The following TIMM9 variants were observed in gnomAD, a reference collection of about 807,000 sequenced individuals.
TIMM9 encodes mitochondrial import inner membrane translocase subunit Tim9.
A neutral mutation model predicts 13.4 loss-of-function variants in TIMM9; 10 were observed. The ratio of observed to expected loss-of-function variants is 0.75; its 90% CI spans 0.46 to 1.26. The LOEUF (loss-of-function observed/expected upper bound fraction) is 1.26, where lower values mean the gene tolerates loss of function less well. Among genes scored for constraint, TIMM9 ranks in the 50% most tolerant of loss-of-function variants. TIMM9 has a pLI of 0.00. For missense variants in TIMM9, 87 were observed against 100.8 expected, an observed-to-expected ratio of 0.86 and a Z score of 0.58; for synonymous variants, 32 against 32.1, an observed-to-expected ratio of 1.00 and a Z score of 0.01.
chr14:58,410,684 T>C (rs1403871870), intron 5 of TIMM9, among the ~76,000 whole-genome samples, 159 bp downstream of exon 5: 1 of 152,246 alleles, frequency 6.6e-6, no homozygotes, highest in African/African-American at 2.4e-5. Flanking sequence ...TTAAACTCAA[T>C]GCCGTGGTTC....
rs140828440 is a variant in TIMM9 at position 58,422,012 on chromosome 14, TC to T, written c.-27+1995del. On this transcript the variant is annotated intron_variant, in intron 3 of 5. Coordinates refer to ENST00000395159, the MANE Select transcript of TIMM9 (RefSeq NM_012460.4). ...TCCTTCTTATAATGCCAAAATCTGTTCTTTTTTTTTTTTTTTTTAATTCCAT... is the reference window on the plus strand; with the variant it reads ...TCCTTCTTATAATGCCAAAATCTGTTTTTTTTTTTTTTTTTTTAATTCCAT... 1.6e-3 allele frequency among the ~76,000 whole-genome samples: 225 copies of T among 143,596 alleles called. 2 individuals carry two copies. The highest frequency in any genetic ancestry group is 5.1e-3 in the African/African-American group (210 of 40,942). 94.2% of individuals were successfully genotyped at this position (143,596 alleles called of 152,430 possible).
chr14:58,408,758 GGTTT>G lies in TIMM9; in HGVS notation c.*272_*275del. The G allele has an allele frequency of 1.4e-6, 1 of 722,158 alleles. No homozygotes were observed. Among genetic ancestry groups the G allele is most frequent in the Non-Finnish European group, 2.2e-6 (1 of 458,106 alleles). The allele number at this position is 722,158 out of a possible 1,614,324, so 44.7% of individuals were successfully genotyped here. A position where few individuals can be genotyped will look rare whatever the true frequency, so the allele number is the denominator to read the frequency against. On this transcript the variant is annotated 3_prime_UTR_variant, in exon 6 of 6. Coordinates refer to ENST00000395159, the MANE Select transcript of TIMM9 (RefSeq NM_012460.4). ...TAACAGTCACAATTGAAGAAACAAT[GGTTT>G]ATTTTTCTAATCAAGTGACCAAGCT...
intron 5 of TIMM9, 61 bp downstream of exon 5, chr14:58,410,782 G>T: frequency 8.9e-7 from 1 of 1,128,536 alleles, no homozygotes; most frequent in Non-Finnish European, 1.3e-6. Flanking sequence ...ATGCTTAAGG[G>T]GATCCTACTT....
chr14:58,415,206 C>T (rs2140323889), intron 3 of TIMM9, among the ~76,000 whole-genome samples: 1 of 152,164 alleles, frequency 6.6e-6, no homozygotes, highest in African/African-American at 2.4e-5. Flanking sequence ...GAAGTGGTAC[C>T]TCCCACCACT....
At chr14:58,415,990 T>C (rs1595018249) in intron 3 of TIMM9, among the ~76,000 whole-genome samples, 1 of 145,380 alleles carries the variant, frequency 6.9e-6, no homozygotes, top group Non-Finnish European at 1.5e-5. Flanking sequence ...CCAAAGCGGG[T>C]GGGTCGATTG....
At chr14:58,414,008 GAA>G (rs10656955) in intron 3 of TIMM9, among the ~76,000 whole-genome samples, 4 of 24,176 alleles carry the variant, frequency 1.7e-4, no homozygotes, top group African/African-American at 8.1e-4. Context: ...TTCCGTCTCA[GAA>G]AAAAAAAAAA....
At chr14:58,411,521 A>G (rs1009896893) in intron 4 of TIMM9, among the ~76,000 whole-genome samples, 1 of 151,652 alleles carries the variant, frequency 6.6e-6, no homozygotes, top group African/African-American at 2.4e-5. Flanking sequence ...AATAGAAACA[A>G]TTGTTTTGTG....
chr14:58,424,369 T>G (rs1299562966), intron 2 of TIMM9, among the ~76,000 whole-genome samples: 1 of 152,288 alleles, frequency 6.6e-6, no homozygotes. Flanking sequence ...GGAGGGATGG[T>G]TCAGAAATCT....
intron 3 of TIMM9, among the ~76,000 whole-genome samples, chr14:58,421,025 G>C (rs903626027): frequency 7.2e-5 from 11 of 152,204 alleles, no homozygotes; most frequent in African/African-American, 2.4e-4. Flanking sequence ...ATCTGTCCTA[G>C]AGAAATGAAA....
chr14:58,410,236 A>T (rs1460675356), intron 5 of TIMM9, among the ~76,000 whole-genome samples: 2 of 151,638 alleles, frequency 1.3e-5, no homozygotes, highest in East Asian at 1.9e-4. Flanking sequence ...ATGTCTAGCT[A>T]ATTTTTTTTT....
chr14:58,425,691 A>C (rs1194033623), intron 2 of TIMM9, among the ~76,000 whole-genome samples: 1 of 152,240 alleles, frequency 6.6e-6, no homozygotes, highest in Non-Finnish European at 1.5e-5. Context: ...CCTAGAAGGT[A>C]AGAGTTAAAC....
intron 3 of TIMM9, among the ~76,000 whole-genome samples, chr14:58,415,953 C>T (rs184411172): frequency 5.6e-4 from 85 of 151,934 alleles, no homozygotes; most frequent in Admixed American, 2.0e-3. Context: ...CAGTGCCTCA[C>T]GTCTATAATC....
chr14:58,414,752 GA>G (rs1339394164), intron 3 of TIMM9, among the ~76,000 whole-genome samples: 1 of 85,666 alleles, frequency 1.2e-5, no homozygotes. Context: ...AAAAAAAAAA[GA>G]AAAAAAAGAA....
intron 3 of TIMM9, among the ~76,000 whole-genome samples, chr14:58,420,828 A>G (rs1029286144): frequency 1.3e-5 from 2 of 150,904 alleles, no homozygotes; most frequent in South Asian, 4.2e-4. Flanking sequence ...CTATATACCT[A>G]TCAGAATGGC....
At chr14:58,418,307 A>G (rs1282329032) in intron 3 of TIMM9, among the ~76,000 whole-genome samples, 1 of 152,186 alleles carries the variant, frequency 6.6e-6, no homozygotes, top group African/African-American at 2.4e-5. Flanking sequence ...AAAAAAAGGA[A>G]GATCAATTTG....
chr14:58,425,984 G>C (rs2036755261), intron 2 of TIMM9, among the ~76,000 whole-genome samples: 2 of 151,530 alleles, frequency 1.3e-5, no homozygotes, highest in Non-Finnish European at 2.9e-5. Context: ...GGGCGTGGTG[G>C]CGGGCGCCTG....
At chr14:58,415,130 C>T (rs2036360831) in intron 3 of TIMM9, among the ~76,000 whole-genome samples, 1 of 152,192 alleles carries the variant, frequency 6.6e-6, no homozygotes, top group Non-Finnish European at 1.5e-5. Context: ...TAACAAGAAA[C>T]TCCCTGCCCC....
intron 3 of TIMM9, among the ~76,000 whole-genome samples, chr14:58,419,512 TAC>T (rs1010935066): frequency 1.0e-3 from 79 of 77,384 alleles, no homozygotes; most frequent in South Asian, 3.8e-3. Flanking sequence ...CACAAACACA[TAC>T]ACACACACAC....
At chr14:58,414,518 A>G (rs191154238) in intron 3 of TIMM9, among the ~76,000 whole-genome samples, 3 of 152,066 alleles carry the variant, frequency 2.0e-5, no homozygotes, top group Admixed American at 2.0e-4. Flanking sequence ...CAGGTGGATC[A>G]CCTGAGGTCA....
Sources: gnomAD v4.1 joint callset for allele counts (sites outside exome capture counted in the v4.1 genomes callset) on GRCh38, gnomAD v4.1.1 for gene constraint, MANE v1.5 for transcripts, NCBI Gene and HGNC (gene_info 2026-07-23, HGNC 2026-07-21) for gene names.